The following TTC4 variants were observed in gnomAD, a reference collection of about 807,000 sequenced individuals.
TTC4 encodes hsp70/Hsp90 co-chaperone CNS1 homolog.
In TTC4, 36 loss-of-function variants were observed where a neutral mutation model predicts 51.9. That is an observed-to-expected ratio of 0.69 (90% CI 0.53 to 0.92). The LOEUF (loss-of-function observed/expected upper bound fraction) is 0.92. TTC4 is among the 40% of genes least tolerant of loss of function. The pLI is 0.00. For synonymous variants in TTC4, 144 were observed against 164.2 expected, an observed-to-expected ratio of 0.88 and a Z score of 0.94; for missense variants, 399 against 454.6, an observed-to-expected ratio of 0.88 and a Z score of 1.11.
chr1:54,733,586 T>A (rs1645895990), intron 7 of TTC4, 43 bp from the exon 8 acceptor site: 1 of 1,477,444 alleles, frequency 6.8e-7, no homozygotes, highest in Non-Finnish European at 9.3e-7. Flanking sequence ...GGAAAATAGA[T>A]CATGAGTTAT....
intron 3 of TTC4, among the ~76,000 whole-genome samples, chr1:54,718,820 T>A (rs1182443362): frequency 1.3e-5 from 2 of 151,962 alleles, no homozygotes; most frequent in Non-Finnish European, 1.5e-5. Flanking sequence ...GAGACAGGGG[T>A]CTCGCTATGT....
intron 6 of TTC4, among the ~76,000 whole-genome samples, chr1:54,729,972 T>G (rs944711996): frequency 2.0e-5 from 3 of 152,222 alleles, no homozygotes; most frequent in Non-Finnish European, 4.4e-5. Context: ...CCACCTGCCT[T>G]GGCCTCCTAT....
chr1:54,716,829 A>G (rs1251973038), intron 2 of TTC4, 112 bp downstream of exon 2: 23 of 825,654 alleles, frequency 2.8e-5, no homozygotes, highest in Middle Eastern at 3.6e-4. Flanking sequence ...CTAACTTGTC[A>G]TTATTCATTC....
chr1:54,728,289 T>G, intron 5 of TTC4, 57 bp from the exon 6 acceptor site: 1 of 1,500,806 alleles, frequency 6.7e-7, no homozygotes, highest in Non-Finnish European at 9.2e-7. Flanking sequence ...AGCAGGCTAG[T>G]GCAATAGAAG....
intron 3 of TTC4, among the ~76,000 whole-genome samples, chr1:54,718,449 A>G (rs538083878): frequency 4.7e-4 from 71 of 152,032 alleles, no homozygotes; most frequent in Admixed American, 4.6e-3. Flanking sequence ...GGGTTTTGCC[A>G]TGTTGCCCGG....
chr1:54,717,457 T>C, intron 2 of TTC4, 35 bp from the exon 3 acceptor site: 2 of 1,445,874 alleles, frequency 1.4e-6, no homozygotes, highest in Non-Finnish European at 1.8e-6. Flanking sequence ...TTTTAAAAAG[T>C]AAGCAATAGT....
At position 54,716,045 on chromosome 1, in the gene TTC4, G is replaced by A. The variant is rs1226322987; in HGVS notation, c.111+26G>A. 6 of 1,544,772 alleles carry A rather than the reference G, an allele frequency of 3.9e-6. No individual in the cohort carries two copies. The Admixed American group carries it at 9.7e-5, about 25-fold the overall frequency. On this transcript the variant is annotated intron_variant, in intron 1 of 9. Transcript: ENST00000371281. ...GTGGGCGGTCCTGGGGTCTCCCCAC[G>A]TGTGTAGGGGCGTCGTCCGGACTCG...
In TTC4 at chr1:54,716,731, A is replaced by T; in HGVS notation, c.229+14A>T. The T allele has an allele frequency of 6.3e-7, 1 of 1,587,590 alleles. No individual in the cohort carries two copies. Reference sequence around the variant, plus strand: ...GTTCTCCAGAAGGTATCTTAACATGACTAATATTTGTTTTGTGTTTCCATT... The same window carrying T: ...GTTCTCCAGAAGGTATCTTAACATGTCTAATATTTGTTTTGTGTTTCCATT... On this transcript the variant is annotated intron_variant, in intron 2 of 9. Coordinates refer to ENST00000371281, the MANE Select transcript of TTC4 (RefSeq NM_004623.5).
At chr1:54,734,342 G>C (rs944717498) in intron 8 of TTC4, among the ~76,000 whole-genome samples, 22 of 151,956 alleles carry the variant, frequency 1.4e-4, no homozygotes, top group African/African-American at 4.8e-4. Context: ...AAAGTGCTGG[G>C]ATTATAGGTG....
At chr1:54,739,086 G>A (rs1356325437) in intron 9 of TTC4, among the ~76,000 whole-genome samples, 1 of 151,534 alleles carries the variant, frequency 6.6e-6, no homozygotes, top group Non-Finnish European at 1.5e-5. Flanking sequence ...TGGCCAGGCT[G>A]GTCTTGAACT....
rs1164252165 is a variant in TTC4 at position 54,728,405 on chromosome 1, G to C, written c.654G>C (p.Gln218His). 1 of 1,612,994 alleles carries C rather than the reference G, an allele frequency of 6.2e-7. No homozygotes were observed. The highest frequency in any genetic ancestry group is 1.1e-5 in the South Asian group (1 of 90,980). ...ANLKEKKERNQNEALLQAIKA... is the reference protein window; with the variant it reads ...ANLKEKKERNHNEALLQAIKA... ...TGAAAGAAAAGAAGGAGAGGAATCA[G>C]AATGAGGCTTTACTCCAGGCCATCA... is the stretch of plus-strand genomic sequence containing the variant. Residue 218 changes from glutamine (Q) to histidine (H), a missense_variant, in exon 6 of 10, where the codon CAG becomes CAC. Physicochemically the swap from Gln to His is conservative, Grantham distance 24 (BLOSUM62 0). Around this residue, in one of 3 missense-constraint regions of TTC4, gnomAD observed 316 missense variants for 349.6 expected, o/e 0.90. Transcript: ENST00000371281.
Position 54,721,161 on chromosome 1 carries a change from A to T in TTC4, c.392-2A>T. 1 of 1,613,188 alleles carries T rather than the reference A, an allele frequency of 6.2e-7. No homozygotes were observed. Among genetic ancestry groups the T allele is most frequent in the Non-Finnish European group, 8.5e-7 (1 of 1,179,428 alleles). ...CTCTTTTACTAAACGGTGTTTTGTT[A>T]GGCAATTTTCGTTCTGCTCTCAATG... On this transcript the variant is annotated splice_acceptor_variant, in intron 3 of 9. Coordinates refer to ENST00000371281, the MANE Select transcript of TTC4 (RefSeq NM_004623.5). LOFTEE classifies it high-confidence loss of function.
intron 1 of TTC4, 26 bp downstream of exon 1, chr1:54,716,045 G>T: frequency 6.5e-7 from 1 of 1,544,890 alleles, no homozygotes; most frequent in South Asian, 1.2e-5. Flanking sequence ...GTCTCCCCAC[G>T]TGTGTAGGGG....
intron 2 of TTC4, 91 bp downstream of exon 2, chr1:54,716,808 G>A: frequency 2.0e-6 from 2 of 1,016,724 alleles, no homozygotes; most frequent in Non-Finnish European, 2.9e-6. Flanking sequence ...ACAAGAAGTA[G>A]TTAGCCTGAG....
intron 6 of TTC4, among the ~76,000 whole-genome samples, chr1:54,730,150 T>G (rs953919453): frequency 1.3e-5 from 2 of 152,248 alleles, no homozygotes; most frequent in Non-Finnish European, 2.9e-5. Context: ...TCTGTTTACA[T>G]GTATTAACAC....
Position 54,715,973 on chromosome 1 carries a change from A to G in TTC4, c.65A>G (p.Gln22Arg). Residue 22 changes from glutamine to arginine, a missense_variant, in exon 1 of 10, where the codon CAG (glutamine) becomes CGG (arginine). Physicochemically the swap from Gln to Arg is conservative, Grantham distance 43 (BLOSUM62 1). Around this residue, in one of 3 missense-constraint regions of TTC4, gnomAD observed 316 missense variants for 349.6 expected, o/e 0.90. Transcript: ENST00000371281. ...ATGGACTCGTTCCTGGAAAAGTTCCAGAGCCAGCCTTACCGTGGCGGCTTT... is the reference window on the plus strand; with the variant it reads ...ATGGACTCGTTCCTGGAAAAGTTCCGGAGCCAGCCTTACCGTGGCGGCTTT... ...DVMDSFLEKF[Q>R]SQPYRGGFHE... 1 of 1,604,646 alleles carries G rather than the reference A, an allele frequency of 6.2e-7. No individual in the cohort carries two copies. Among genetic ancestry groups the G allele is most frequent in the Admixed American group, 1.7e-5 (1 of 59,050 alleles).
At chr1:54,716,440 A>G (rs1645676557) in intron 1 of TTC4, among the ~76,000 whole-genome samples, 160 bp from the exon 2 acceptor site, 1 of 151,964 alleles carries the variant, frequency 6.6e-6, no homozygotes, top group African/African-American at 2.4e-5. Flanking sequence ...ATTACACCAC[A>G]CTCCCATTTT....
chr1:54,731,397 T>C (rs1458153770), intron 6 of TTC4, 89 bp from the exon 7 acceptor site: 2 of 1,230,426 alleles, frequency 1.6e-6, no homozygotes, highest in Non-Finnish European at 2.2e-6. Context: ...AGCCAGGCAT[T>C]ATGGTTTCTT....
intron 1 of TTC4, among the ~76,000 whole-genome samples, chr1:54,716,377 G>A (rs920902496): frequency 3.9e-5 from 6 of 152,204 alleles, no homozygotes; most frequent in African/African-American, 1.2e-4. Flanking sequence ...TCAATTAATG[G>A]TAATTCCTGC....
Sources: allele counts gnomAD v4.1 joint callset (sites outside exome capture counted in the v4.1 genomes callset), GRCh38; gene constraint gnomAD v4.1.1; regional missense constraint gnomAD v4.1.1; transcripts MANE v1.5; gene names NCBI Gene and HGNC (gene_info 2026-07-23, HGNC 2026-07-21).